The following SLC35F3 variants were observed in gnomAD, a reference collection of about 807,000 sequenced individuals.
SLC35F3 encodes the protein putative thiamine transporter SLC35F3.
In SLC35F3, 25 loss-of-function variants were observed where a neutral mutation model predicts 49.9. The ratio of observed to expected loss-of-function variants is 0.50; its 90% CI spans 0.37 to 0.70. The LOEUF is 0.70. Ranked by LOEUF, SLC35F3 falls within the 30% of genes least tolerant of loss-of-function variation. The pLI, the probability that SLC35F3 is intolerant of heterozygous loss-of-function variation, is 0.00. For missense variants in SLC35F3, 525 were observed against 639.8 expected, an observed-to-expected ratio of 0.82 and a Z score of 1.94; for synonymous variants, 275 against 265.4, an observed-to-expected ratio of 1.04 and a Z score of -0.35.
At chr1:234,088,385 T>G (rs762905509) in intron 2 of SLC35F3, among the ~76,000 whole-genome samples, 68 of 152,270 alleles carry the variant, frequency 4.5e-4, no homozygotes, top group Admixed American at 5.9e-4. Flanking sequence ...TTTTTGTATT[T>G]TTAGTAGAAA....
At chr1:234,004,531 T>A (rs573863147) in intron 2 of SLC35F3, among the ~76,000 whole-genome samples, 1 of 152,074 alleles carries the variant, frequency 6.6e-6, no homozygotes, top group Middle Eastern at 3.2e-3. Context: ...ATTGGAAGTG[T>A]GGAACAAAAT....
At chr1:234,177,534 C>G (rs368381040) in intron 2 of SLC35F3, among the ~76,000 whole-genome samples, 98 of 152,266 alleles carry the variant, frequency 6.4e-4, no homozygotes, top group African/African-American at 2.2e-3. Flanking sequence ...TGCCCAGTGT[C>G]GAAGCCCCCA....
At chr1:234,110,421 T>G (rs1665389171) in intron 2 of SLC35F3, among the ~76,000 whole-genome samples, 1 of 152,214 alleles carries the variant, frequency 6.6e-6, no homozygotes, top group Admixed American at 6.5e-5. Context: ...AGGGATGGTG[T>G]CCTGCGGCAG....
rs539335570 is a variant in SLC35F3 at position 234,049,422 on chromosome 1, G to C, written c.283+143664G>C. ...TGTGTGTGTGTGTGCACATTGGAAAGATCATTTAAGGACACAACAAGAAGC... is the reference window on the plus strand; with the variant it reads ...TGTGTGTGTGTGTGCACATTGGAAACATCATTTAAGGACACAACAAGAAGC... On this transcript the variant is annotated intron_variant, in intron 2 of 7. Coordinates refer to ENST00000366618, the MANE Select transcript of SLC35F3 (RefSeq NM_173508.4). 2.6e-5 allele frequency among the ~76,000 whole-genome samples: 4 copies of C among 152,042 alleles called. No individual in the cohort carries two copies. In the South Asian group the frequency reaches 8.3e-4, roughly 32 times the overall value.
chr1:234,323,183 C>A lies in SLC35F3; in HGVS notation c.1413C>A (p.Ala471=), dbSNP rs1294800992. The change falls in exon 8 of 8, where the codon GCC becomes GCA. Residue 471 remains alanine (A), a synonymous_variant. Transcript: ENST00000366618. The surrounding 1 kb of genome is among the most constrained non-coding windows in gnomAD (Gnocchi z 4.5). ...RKKEEPAEGA[A]DLSSGPQSKN... ...AGGAGGAGCCTGCAGAGGGCGCTGC[C>A]GACCTGAGCTCAGGACCTCAGAGCA... 2 of 1,614,102 alleles carry A rather than the reference C, an allele frequency of 1.2e-6. No homozygotes were observed. Among genetic ancestry groups the A allele is most frequent in the Non-Finnish European group, 8.5e-7 (1 of 1,180,026 alleles).
chr1:234,099,758 G>A (rs551149928), intron 2 of SLC35F3, among the ~76,000 whole-genome samples: 39 of 152,274 alleles, frequency 2.6e-4, no homozygotes, highest in African/African-American at 9.4e-4. Context: ...GATGCACCCT[G>A]CACAATGAGG....
intron 2 of SLC35F3, among the ~76,000 whole-genome samples, chr1:234,074,004 A>G (rs1664759637): frequency 1.3e-5 from 2 of 152,204 alleles, no homozygotes; most frequent in Admixed American, 1.3e-4. Flanking sequence ...CCTGGAAGCC[A>G]TATTGAGTGT....
chr1:233,926,146 A>G (rs1011687894), intron 2 of SLC35F3, among the ~76,000 whole-genome samples: 1 of 151,888 alleles, frequency 6.6e-6, no homozygotes, highest in East Asian at 1.9e-4. Context: ...TCTTTGTGGC[A>G]TTCTCTGTAT....
At chr1:234,278,184 C>A (rs536996208) in intron 3 of SLC35F3, among the ~76,000 whole-genome samples, 135 of 151,914 alleles carry the variant, frequency 8.9e-4, no homozygotes, top group Non-Finnish European at 1.6e-3. Flanking sequence ...TAAAGCAAGA[C>A]CCCATCTCGA....
At chr1:234,112,091 A>C (rs1286067586) in intron 2 of SLC35F3, among the ~76,000 whole-genome samples, 1 of 152,224 alleles carries the variant, frequency 6.6e-6, no homozygotes, top group Non-Finnish European at 1.5e-5. Context: ...CTGTAAACCC[A>C]GCACTTTGGG....
intron 2 of SLC35F3, among the ~76,000 whole-genome samples, chr1:234,088,502 C>G (rs1440531169): frequency 6.6e-6 from 1 of 152,140 alleles, no homozygotes; most frequent in Non-Finnish European, 1.5e-5. Flanking sequence ...GCCACTGTGC[C>G]CAGCCAGTAA....
chr1:234,268,174 T>C (rs2102972599), intron 3 of SLC35F3, among the ~76,000 whole-genome samples: 1 of 152,262 alleles, frequency 6.6e-6, no homozygotes, highest in Admixed American at 6.5e-5. Context: ...CATTGAGCAC[T>C]GAGTGAACCA....
intron 2 of SLC35F3, among the ~76,000 whole-genome samples, chr1:233,970,884 T>C (rs987711511): frequency 3.3e-5 from 5 of 152,252 alleles, no homozygotes; most frequent in Admixed American, 1.3e-4. Context: ...TTCTTTGTTA[T>C]GGCAGTCCTA....
In SLC35F3 at chr1:234,231,002, C is replaced by G. The variant is rs1045358606; in HGVS notation, c.284-415C>G. Among the ~76,000 whole-genome samples, 4 of 152,186 alleles carry G rather than the reference C, an allele frequency of 2.6e-5. No homozygotes were observed. The highest frequency in any genetic ancestry group is 5.9e-5 in the Non-Finnish European group (4 of 68,038). ...CCGCACCCAGGAGCACGTGAGTACT[C>G]GTCAACTGACATAAATGAGAGTGGA... On this transcript the variant is annotated intron_variant, in intron 2 of 7. Transcript: ENST00000366618. The surrounding 1 kb of genome is among the most constrained non-coding windows in gnomAD (Gnocchi z 5.4).
chr1:234,218,059 G>C (rs951279839), intron 2 of SLC35F3, among the ~76,000 whole-genome samples: 22 of 152,178 alleles, frequency 1.4e-4, no homozygotes, highest in African/African-American at 5.3e-4. Flanking sequence ...AGGGGTTAAG[G>C]TTTGAAAAGT....
intron 2 of SLC35F3, among the ~76,000 whole-genome samples, chr1:234,135,225 T>A (rs1013774525): frequency 2.0e-5 from 3 of 151,850 alleles, no homozygotes; most frequent in African/African-American, 7.3e-5. Context: ...CATGAAAGAG[T>A]GAATGATTAG....
chr1:234,316,591 CGTCT>C lies in SLC35F3; in HGVS notation c.829-7_829-4del. On this transcript the variant is annotated splice_polypyrimidine_tract_variant and splice_region_variant and intron_variant, in intron 4 of 7. Transcript: ENST00000366618. ...GACTTCCCTGACCAGCATTTTCTTC[CGTCT>C]GTCCAGATTGTGGCCGCCATCCTCG... 1.2e-5 allele frequency: 19 copies of C among 1,600,562 alleles called. No individual in the cohort carries two copies. The highest frequency in any genetic ancestry group is 1.6e-5 in the Non-Finnish European group (19 of 1,169,120).
chr1:233,906,871 G>A (rs74938358), intron 2 of SLC35F3, among the ~76,000 whole-genome samples: 3 of 152,188 alleles, frequency 2.0e-5, no homozygotes, highest in African/African-American at 7.2e-5. Flanking sequence ...GGAAGAAACA[G>A]GATTTGAATG....
At chr1:234,250,106 C>A (rs1171564373) in intron 3 of SLC35F3, among the ~76,000 whole-genome samples, 1 of 152,164 alleles carries the variant, frequency 6.6e-6, no homozygotes, top group East Asian at 1.9e-4. Context: ...GAATATAACA[C>A]CTGTGCCAGC....
Sources: allele counts gnomAD v4.1 joint callset (sites outside exome capture counted in the v4.1 genomes callset), GRCh38; gene constraint gnomAD v4.1.1; non-coding constraint Gnocchi (gnomAD v3.1); transcripts MANE v1.5; gene names NCBI Gene and HGNC (gene_info 2026-07-23, HGNC 2026-07-21).